Variants in STK32A observed in about 807,000 individuals in gnomAD.
STK32A encodes the protein serine/threonine kinase 32A.
STK32A carries 41 observed loss-of-function variants against 53.2 expected under a neutral mutation model. The observed-to-expected ratio is 0.77, with a 90% CI of 0.60 to 1.00. STK32A has a LOEUF of 1.00. Among genes scored for constraint, STK32A ranks in the 50% least tolerant of loss-of-function variants. STK32A has a pLI of 0.00. For missense variants in STK32A, 458 were observed against 485.8 expected, an observed-to-expected ratio of 0.94 and a Z score of 0.54; for synonymous variants, 166 against 162.8, an observed-to-expected ratio of 1.02 and a Z score of -0.15.
In STK32A at chr5:147,385,209, C is replaced by G. The variant is rs62379569; in HGVS notation, c.*1226C>G. The G allele has an allele frequency of 0.14, 20,884 of 152,224 alleles. 1,775 individuals carry two copies. Among genetic ancestry groups the G allele is most frequent in the South Asian group, 0.21 (995 of 4,812 alleles). 9.4% of individuals were successfully genotyped at this position (152,224 alleles called of 1,614,324 possible). A position where few individuals can be genotyped will look rare whatever the true frequency, so the allele number is the denominator to read the frequency against. On this transcript the variant is annotated 3_prime_UTR_variant, in exon 13 of 13. Transcript: ENST00000397936. Reference sequence around the variant, plus strand: ...AGGCTGGAGTGCAGTGGCATGATCTCTGCTCACTACATCTGCCTCCCGGGT... The same window carrying G: ...AGGCTGGAGTGCAGTGGCATGATCTGTGCTCACTACATCTGCCTCCCGGGT...
At chr5:147,400,896 G>C in the STK32A span, 6,245 of 1,578,124 alleles carry the variant, frequency 4.0e-3, 203 homozygotes, top group African/African-American at 0.072. Context: ...TGGGAGCTTA[G>C]AGTCTTGTGT....
In STK32A at chr5:147,383,483, T is replaced by G. The variant is rs745962827; in HGVS notation, c.1075T>G (p.Phe359Val). 6 of 1,593,992 alleles carry G rather than the reference T, an allele frequency of 3.8e-6. No individual in the cohort carries two copies. Among genetic ancestry groups the G allele is most frequent in the Middle Eastern group, 1.7e-4 (1 of 6,034 alleles). The stretch of plus-strand genomic sequence containing the variant: ...GCACCTTGACTCTGTCCAGAAGGAG[T>G]TCATAATTTTCAACAGAGAAAAGTA... ...QEHLDSVQKE[F>V]IIFNREKVNR... Residue 359 changes from phenylalanine (F) to valine (V), a missense_variant, in exon 12 of 13, where the codon TTC (phenylalanine) becomes GTC (valine). By Grantham distance (50) the Phe-to-Val change is conservative. Transcript: ENST00000397936.
At chr5:147,328,376 T>A (rs1754704513) in intron 5 of STK32A, among the ~76,000 whole-genome samples, 1 of 152,254 alleles carries the variant, frequency 6.6e-6, no homozygotes, top group South Asian at 2.1e-4. Context: ...TGTGGATGTT[T>A]AAAAATCCAT....
Position 147,278,109 on chromosome 5 carries a change from T to C in STK32A, c.53-15T>C. ...TTGATAATTACTCATGATATTCTTC[T>C]TTTTTGTTTTACAGTCAACTTTGAC... On this transcript the variant is annotated splice_polypyrimidine_tract_variant and intron_variant, in intron 2 of 12. Transcript: ENST00000397936. 6.3e-7 allele frequency: 1 copy of C among 1,575,888 alleles called. No individual in the cohort carries two copies. Among genetic ancestry groups the C allele is most frequent in the Non-Finnish European group, 8.6e-7 (1 of 1,158,470 alleles).
the STK32A span, among the ~76,000 whole-genome samples, chr5:147,397,190 A>G: frequency 6.8e-6 from 1 of 147,314 alleles, no homozygotes; most frequent in African/African-American, 2.5e-5. Context: ...ATATATATAT[A>G]CACACATATC....
chr5:147,250,187 C>G (rs1753926310), intron 2 of STK32A, among the ~76,000 whole-genome samples: 1 of 151,888 alleles, frequency 6.6e-6, no homozygotes, highest in Non-Finnish European at 1.5e-5. Context: ...GGTTTGGGAC[C>G]CTGCTCACAT....
chr5:147,343,360 AC>A, intron 6 of STK32A: 1 of 454,050 alleles, frequency 2.2e-6, no homozygotes, highest in Non-Finnish European at 4.1e-6. Context: ...ACACGCAATC[AC>A]CTATTTTTTA....
chr5:147,237,946 G>A (rs575402460), intron 1 of STK32A, among the ~76,000 whole-genome samples: 1 of 152,150 alleles, frequency 6.6e-6, no homozygotes, highest in East Asian at 1.9e-4. Context: ...GAGCTCAGGA[G>A]GAAATCAACT....
chr5:147,311,864 T>C (rs1458849846), intron 4 of STK32A, among the ~76,000 whole-genome samples: 1 of 151,584 alleles, frequency 6.6e-6, no homozygotes, highest in African/African-American at 2.4e-5. Context: ...TTCTAGAGTA[T>C]TGGGATTACA....
In STK32A at chr5:147,378,499, C is replaced by A. The variant is rs187021597; in HGVS notation, c.1032+3281C>A. On this transcript the variant is annotated intron_variant, in intron 11 of 12. Coordinates refer to ENST00000397936, the MANE Select transcript of STK32A (RefSeq NM_001112724.2). ...CCATTCACTGAAGGCATTCCTTCAG[C>A]AAAATCTAACAAGAACATACACCAT... 1.6e-4 allele frequency among the ~76,000 whole-genome samples: 24 copies of A among 152,256 alleles called. No individual in the cohort carries two copies. The East Asian group carries it at 4.6e-3, about 29-fold the overall frequency.
At chr5:147,266,288 T>G (rs1036263298) in intron 2 of STK32A, among the ~76,000 whole-genome samples, 2 of 152,164 alleles carry the variant, frequency 1.3e-5, no homozygotes, top group African/African-American at 2.4e-5. Context: ...AGTGAGTAAG[T>G]CGATGAGTGA....
the STK32A span, chr5:147,399,144 T>C: frequency 1.2e-6 from 2 of 1,614,230 alleles, no homozygotes; most frequent in East Asian, 2.2e-5. Context: ...ACGAGGTCGC[T>C]GTCAGAACCC....
intron 5 of STK32A, among the ~76,000 whole-genome samples, chr5:147,338,804 A>G (rs1199024693): frequency 6.6e-6 from 1 of 152,188 alleles, no homozygotes; most frequent in Non-Finnish European, 1.5e-5. Context: ...CTTGAGAGAG[A>G]TAATTTAGGG....
chr5:147,327,429 A>G (rs1754655217), intron 5 of STK32A, among the ~76,000 whole-genome samples: 1 of 152,254 alleles, frequency 6.6e-6, no homozygotes, highest in African/African-American at 2.4e-5. Flanking sequence ...ATGAAAGTAC[A>G]GTAGATCTCC....
intron 4 of STK32A, among the ~76,000 whole-genome samples, chr5:147,318,352 C>G (rs1991069): frequency 0.81 from 123,235 of 152,042 alleles, 50,435 homozygotes; most frequent in Middle Eastern, 0.9. Context: ...TAATTTATTC[C>G]CATGCTCCCT....
At chr5:147,255,109 C>A (rs951488342) in intron 2 of STK32A, among the ~76,000 whole-genome samples, 1 of 152,120 alleles carries the variant, frequency 6.6e-6, no homozygotes, top group Non-Finnish European at 1.5e-5. Context: ...CATTGCATGC[C>A]AGCCTGGGCG....
At chr5:147,268,083 G>A (rs1754883748) in intron 2 of STK32A, among the ~76,000 whole-genome samples, 1 of 152,140 alleles carries the variant, frequency 6.6e-6, no homozygotes, top group African/African-American at 2.4e-5. Flanking sequence ...ACATGTATTT[G>A]TGTGATTTTG....
chr5:147,362,212 C>T (rs779933496), intron 8 of STK32A, among the ~76,000 whole-genome samples: 4 of 152,164 alleles, frequency 2.6e-5, no homozygotes, highest in Non-Finnish European at 5.9e-5. Context: ...GAAATACACT[C>T]CTTAGGTTAT....
chr5:147,351,270 T>G (rs1345122725), intron 7 of STK32A, 116 bp downstream of exon 7: 8 of 828,658 alleles, frequency 9.7e-6, no homozygotes, highest in Non-Finnish European at 1.5e-5. Flanking sequence ...TGACTTTACC[T>G]GTGGAGCTTC....
Sources: gnomAD v4.1 joint callset for allele counts (sites outside exome capture counted in the v4.1 genomes callset) on GRCh38, gnomAD v4.1.1 for gene constraint, MANE v1.5 for transcripts, NCBI Gene and HGNC (gene_info 2026-07-23, HGNC 2026-07-21) for gene names.